Variants in C10orf67 observed in about 807,000 individuals in gnomAD.
C10orf67 encodes uncharacterized protein C10orf67, mitochondrial.
In C10orf67, 60 loss-of-function variants were observed where a neutral mutation model predicts 35.6. That is an observed-to-expected ratio of 1.68 (90% CI 1.37 to 2.09). The LOEUF is 2.09. Among genes scored for constraint, C10orf67 ranks in the 30% most tolerant of loss-of-function variants. The pLI, the probability that C10orf67 is intolerant of heterozygous loss-of-function variation, is 0.00. For missense variants in C10orf67, 474 were observed against 330.2 expected (o/e 1.44, Z -3.38); for synonymous variants, 167 against 115.8 (o/e 1.44, Z -2.84).
intron 4 of C10orf67, chr10:23,317,718 C>G (rs185887312): frequency 4.5e-4 from 69 of 152,188 alleles, no homozygotes; most frequent in African/African-American, 1.6e-3. Flanking sequence ...TTTTTGGTTA[C>G]AAAATCAATA....
chr10:23,336,935 G>T (rs970807403), intron 1 of C10orf67, among the ~76,000 whole-genome samples: 2 of 152,176 alleles, frequency 1.3e-5, no homozygotes, highest in Non-Finnish European at 2.9e-5. Flanking sequence ...TATAAAATGA[G>T]CCTGGAACAT....
chr10:23,318,890 GA>G (rs1428893245), intron 4 of C10orf67: 1 of 777,888 alleles, frequency 1.3e-6, no homozygotes, highest in Admixed American at 1.7e-5. Flanking sequence ...AGCACATCCA[GA>G]GTATCTCAAT....
chr10:23,283,245 T>C (rs1009555284), intron 7 of C10orf67, among the ~76,000 whole-genome samples: 1 of 152,214 alleles, frequency 6.6e-6, no homozygotes, highest in Non-Finnish European at 1.5e-5. Flanking sequence ...CCCCATTCAC[T>C]GCAGGGCCCT....
intron 7 of C10orf67, among the ~76,000 whole-genome samples, chr10:23,287,500 TAAAACCC>T (rs1843581227): frequency 6.6e-6 from 1 of 152,166 alleles, no homozygotes; most frequent in African/African-American, 2.4e-5. Context: ...GACTTAAATG[TAAAACCC>T]AAAACCATAA....
At chr10:23,274,251 G>A (rs1325233095) in intron 8 of C10orf67, among the ~76,000 whole-genome samples, 1 of 152,154 alleles carries the variant, frequency 6.6e-6, no homozygotes, top group Non-Finnish European at 1.5e-5. Flanking sequence ...GGCACACACT[G>A]TCTTGATAAA....
intron 10 of C10orf67, among the ~76,000 whole-genome samples, chr10:23,265,669 T>C (rs1842868381): frequency 6.6e-6 from 1 of 152,170 alleles, no homozygotes; most frequent in Non-Finnish European, 1.5e-5. Flanking sequence ...TAGTGAGCAG[T>C]GCCTCATAAA....
chr10:23,281,199 A>G (rs1462715914), intron 8 of C10orf67, among the ~76,000 whole-genome samples: 2 of 152,160 alleles, frequency 1.3e-5, no homozygotes, highest in Non-Finnish European at 2.9e-5. Context: ...ATTAATTTCT[A>G]TGACAAGGAA....
At chr10:23,331,229 G>A (rs371132318) in intron 2 of C10orf67, among the ~76,000 whole-genome samples, 2,293 of 14,566 alleles carry the variant, frequency 0.16, 228 homozygotes, top group East Asian at 0.4. Context: ...AGGGAAGGGA[G>A]GAGGGAAGGG....
In C10orf67 at chr10:23,344,612, C is replaced by T; in HGVS notation, c.163G>A (p.Glu55Lys). 6.3e-7 allele frequency: 1 copy of T among 1,583,734 alleles called. No homozygotes were observed. The highest frequency in any genetic ancestry group is 8.6e-7 in the Non-Finnish European group (1 of 1,165,724). Residue 55 changes from glutamate (E) to lysine (K), a missense_variant, in exon 1 of 16, where the codon GAA (glutamate) becomes AAA (lysine). Glu to Lys is a moderately conservative substitution (Grantham distance 56). Transcript: ENST00000636213. Reference sequence around the variant, plus strand: ...TGCGGGGGCTTGAATTCCCGAGCTTCTCGCTTCCTACGCGCGCAGCAGACC... The same window carrying T: ...TGCGGGGGCTTGAATTCCCGAGCTTTTCGCTTCCTACGCGCGCAGCAGACC... ...LRVCCARRKREAREFKPPQMR... is the reference protein window; with the variant it reads ...LRVCCARRKRKAREFKPPQMR...
intron 10 of C10orf67, among the ~76,000 whole-genome samples, chr10:23,253,777 G>A (rs1021506040): frequency 6.6e-6 from 1 of 151,930 alleles, no homozygotes; most frequent in Non-Finnish European, 1.5e-5. Flanking sequence ...AGATAAGTCT[G>A]TTCTAAAATC....
At chr10:23,308,540 T>A (rs1434200305) in intron 4 of C10orf67, among the ~76,000 whole-genome samples, 1 of 152,156 alleles carries the variant, frequency 6.6e-6, no homozygotes, top group Non-Finnish European at 1.5e-5. Context: ...ACACTCGGCA[T>A]CCAACTTCTC....
intron 8 of C10orf67, among the ~76,000 whole-genome samples, chr10:23,268,658 C>G (rs971887767): frequency 6.6e-6 from 1 of 152,138 alleles, no homozygotes; most frequent in Non-Finnish European, 1.5e-5. Context: ...TGAACTCAAG[C>G]CTAATACAGT....
intron 4 of C10orf67, among the ~76,000 whole-genome samples, chr10:23,311,809 TCTCATTA>T (rs1844511042): frequency 6.6e-6 from 1 of 152,198 alleles, no homozygotes; most frequent in African/African-American, 2.4e-5. Flanking sequence ...ATTTCAATTG[TCTCATTA>T]ACTTTCTAAA....
chr10:23,333,258 T>C, intron 1 of C10orf67, 76 bp from the exon 2 acceptor site: 2 of 1,353,694 alleles, frequency 1.5e-6, no homozygotes, highest in Non-Finnish European at 2.1e-6. Flanking sequence ...CGTCTTTTTT[T>C]GTGTAAATCA....
Position 23,211,745 on chromosome 10 carries a change from G to T in C10orf67, c.1571-7490C>A, listed in dbSNP as rs906809215. Reference sequence around the variant, plus strand: ...AATCAAATGAAGTGTCCTTTATCCAGAACATGAAGAGAACTGATTTGAACA... The same window carrying T: ...AATCAAATGAAGTGTCCTTTATCCATAACATGAAGAGAACTGATTTGAACA... On this transcript the variant is annotated intron_variant, in intron 15 of 15. Coordinates refer to ENST00000636213, the MANE Select transcript of C10orf67 (RefSeq NM_001371909.1). Among the ~76,000 whole-genome samples, 22 of 152,250 alleles carry T rather than the reference G, an allele frequency of 1.4e-4. No homozygotes were observed. The Middle Eastern group carries it at 0.014, about 94-fold the overall frequency.
At position 23,299,934 on chromosome 10, in the gene C10orf67, C is replaced by T. The variant is rs950263656; in HGVS notation, c.702+3370G>A. ...TGGAGCTTGCAGTGAGCCAAGATCG[C>T]GCCACTGCACTCCAGCCTGGGTGAC... On this transcript the variant is annotated intron_variant, in intron 5 of 15. Transcript: ENST00000636213. Among the ~76,000 whole-genome samples, 18 of 151,042 alleles carry T rather than the reference C, an allele frequency of 1.2e-4. No individual in the cohort carries two copies. In the East Asian group the frequency reaches 1.4e-3, roughly 11 times the overall value.
At position 23,335,607 on chromosome 10, in the gene C10orf67, G is replaced by GA. The variant is rs796804869; in HGVS notation, c.207-2426dup. On this transcript the variant is annotated intron_variant, in intron 1 of 15. Coordinates refer to ENST00000636213, the MANE Select transcript of C10orf67 (RefSeq NM_001371909.1). ...TGTCATAGTTTTTTCATCATATTTG[G>GA]AAAAAACTATTAAAGCAGAGCAATA... Among the ~76,000 whole-genome samples, 42 of 151,848 alleles carry GA rather than the reference G, an allele frequency of 2.8e-4. 1 individual carries two copies. In the East Asian group the frequency reaches 5.0e-3, roughly 18 times the overall value.
chr10:23,236,106 G>A (rs572040303), intron 13 of C10orf67, among the ~76,000 whole-genome samples: 108 of 152,036 alleles, frequency 7.1e-4, no homozygotes, highest in African/African-American at 2.5e-3. Context: ...AAAATTAGCC[G>A]GGCTTGGTGG....
intron 8 of C10orf67, among the ~76,000 whole-genome samples, chr10:23,279,282 C>T (rs1843293261): frequency 6.6e-6 from 1 of 152,216 alleles, no homozygotes; most frequent in Non-Finnish European, 1.5e-5. Context: ...TTAGGCCACG[C>T]TTGTGTCATG....
Sources: allele counts gnomAD v4.1 joint callset (sites outside exome capture counted in the v4.1 genomes callset), GRCh38; gene constraint gnomAD v4.1.1; transcripts MANE v1.5; gene names NCBI Gene and HGNC (gene_info 2026-07-23, HGNC 2026-07-21).